RIMS2: variants seen among roughly 807,000 people sequenced by gnomAD.
RIMS2 encodes the protein regulating synaptic membrane exocytosis protein 2.
A neutral mutation model predicts 174.4 loss-of-function variants in RIMS2; 59 were observed. That is an observed-to-expected ratio of 0.34 (90% CI 0.27 to 0.42). The LOEUF (loss-of-function observed/expected upper bound fraction) is 0.42. Ranked by LOEUF, RIMS2 falls within the 10% of genes least tolerant of loss-of-function variation. The probability of loss-of-function intolerance (pLI) is 1.00; values close to 1 mark genes in which losing one functional copy is unlikely to be tolerated. For synonymous variants in RIMS2, 606 were observed against 572.5 expected (o/e 1.06, Z -0.84); for missense variants, 1,620 against 1,666.3 (o/e 0.97, Z 0.48).
intron 14 of RIMS2, among the ~76,000 whole-genome samples, chr8:103,949,526 C>T (rs1398062956): frequency 2.6e-5 from 4 of 152,104 alleles, no homozygotes; most frequent in African/African-American, 9.7e-5. Context: ...AATGAAATAA[C>T]ACTTCTAAAT....
intron 19 of RIMS2, among the ~76,000 whole-genome samples, chr8:104,069,463 CTTTT>C (rs71297250): frequency 2.2e-5 from 2 of 91,960 alleles, no homozygotes; most frequent in East Asian, 3.1e-4. Context: ...ATTAATTGTT[CTTTT>C]TTTTTTTTTT....
rs571170959 is a variant in RIMS2 at position 104,185,955 on chromosome 8, A to G, written c.3335-58961A>G. Among the ~76,000 whole-genome samples, 531 of 151,862 alleles carry G rather than the reference A, an allele frequency of 3.5e-3. 3 individuals are homozygous for G. Among genetic ancestry groups the G allele is most frequent in the African/African-American group, 0.012 (507 of 41,504 alleles). ...ATATGTTTATCATGGCACTATTTAC[A>G]GTAGAAAAGATATAGAATCAACCTA... On this transcript the variant is annotated intron_variant, in intron 19 of 23. Coordinates refer to ENST00000504942, the Ensembl canonical transcript of RIMS2.
At chr8:103,632,893 C>T (rs947085251) in intron 1 of RIMS2, among the ~76,000 whole-genome samples, 13 of 151,306 alleles carry the variant, frequency 8.6e-5, no homozygotes, top group African/African-American at 1.9e-4. Context: ...GCCACCATGC[C>T]GGGCTAATTT....
intron 1 of RIMS2, among the ~76,000 whole-genome samples, chr8:103,590,998 C>T (rs2094226312): frequency 6.6e-6 from 1 of 150,486 alleles, no homozygotes; most frequent in South Asian, 2.1e-4. Context: ...TTTTATACTC[C>T]CACCAAAAAA....
At chr8:103,632,731 ATTTTTTTTTT>A (rs61579273) in intron 1 of RIMS2, among the ~76,000 whole-genome samples, 3 of 70,446 alleles carry the variant, frequency 4.3e-5, no homozygotes, top group African/African-American at 6.1e-5. Flanking sequence ...ATATTTATTG[ATTTTTTTTTT>A]TTTTTTTTTT....
chr8:103,834,621 G>A (rs375698770), intron 3 of RIMS2, among the ~76,000 whole-genome samples: 119 of 151,296 alleles, frequency 7.9e-4, no homozygotes, highest in African/African-American at 2.7e-3. Context: ...TTTCCAGTCT[G>A]TTTTTGCTCG....
In RIMS2 at chr8:104,013,700, C is replaced by A; in HGVS notation, c.3224+79C>A. On this transcript the variant is annotated intron_variant, in intron 18 of 23. Transcript: ENST00000504942. ...TTTATTTTCCCAACAGTTAACTGGTCTCTTCTATCATCTTTGGCTGATCAC... is the reference window on the plus strand; with the variant it reads ...TTTATTTTCCCAACAGTTAACTGGTATCTTCTATCATCTTTGGCTGATCAC... 8.6e-7 allele frequency: 1 copy of A among 1,159,654 alleles called. No individual in the cohort carries two copies. The highest frequency in any genetic ancestry group is 1.3e-6 in the Non-Finnish European group (1 of 782,924). 71.8% of individuals were successfully genotyped at this position (1,159,654 alleles called of 1,614,324 possible).
chr8:103,855,820 C>T (rs1052359771), intron 3 of RIMS2, among the ~76,000 whole-genome samples: 4 of 152,110 alleles, frequency 2.6e-5, no homozygotes, highest in South Asian at 2.1e-4. Context: ...ATGGGAACAG[C>T]GTATATTTTG....
chr8:104,014,560 A>G, exon 19 of RIMS2: 5 of 1,613,302 alleles, frequency 3.1e-6, no homozygotes, highest in Non-Finnish European at 4.2e-6. Context: ...CTCCAGTCGC[A>G]GGACGAAGGG....
chr8:103,916,879 T>C (rs2076716495), intron 8 of RIMS2, among the ~76,000 whole-genome samples: 1 of 151,982 alleles, frequency 6.6e-6, no homozygotes, highest in Admixed American at 6.6e-5. Context: ...AAAATAGAGA[T>C]TTCAACATAG....
chr8:104,002,252 A>G (rs900867414), intron 17 of RIMS2, among the ~76,000 whole-genome samples: 3 of 151,712 alleles, frequency 2.0e-5, no homozygotes, highest in East Asian at 3.9e-4. Context: ...AGAGAATGCT[A>G]CTCTCTTGAT....
intron 1 of RIMS2, among the ~76,000 whole-genome samples, chr8:103,575,479 A>G (rs991969278): frequency 6.6e-6 from 1 of 152,096 alleles, no homozygotes; most frequent in Non-Finnish European, 1.5e-5. Flanking sequence ...AAGAAAAGTA[A>G]AGAATGTTCA....
chr8:103,578,066 A>G (rs1353309168), intron 1 of RIMS2, among the ~76,000 whole-genome samples: 1 of 152,204 alleles, frequency 6.6e-6, no homozygotes, highest in East Asian at 1.9e-4. Context: ...ATTTAAAGAA[A>G]TAATAACAAA....
At chr8:103,620,102 A>C (rs976729475) in intron 1 of RIMS2, among the ~76,000 whole-genome samples, 4 of 152,182 alleles carry the variant, frequency 2.6e-5, no homozygotes, top group African/African-American at 9.6e-5. Context: ...ATAATAAGGT[A>C]ACATTTGTCA....
intron 1 of RIMS2, among the ~76,000 whole-genome samples, chr8:103,623,870 T>C (rs1208930879): frequency 3.3e-5 from 5 of 151,436 alleles, no homozygotes; most frequent in African/African-American, 1.2e-4. Flanking sequence ...GGGAGATCTA[T>C]CACATTAACT....
At chr8:103,569,027 A>G in intron 1 of RIMS2, 1 of 424,438 alleles carries the variant, frequency 2.4e-6, no homozygotes, top group South Asian at 3.5e-5. Flanking sequence ...GCCTTTGCAC[A>G]AAGTTAATTT....
intron 1 of RIMS2, among the ~76,000 whole-genome samples, chr8:103,587,468 G>GAA (rs35539559): frequency 2.1e-5 from 2 of 96,344 alleles, no homozygotes; most frequent in Non-Finnish European, 4.3e-5. Context: ...AAGAAAGAAA[G>GAA]AAACTATGCA....
intron 3 of RIMS2, among the ~76,000 whole-genome samples, chr8:103,822,714 A>G (rs1210755751): frequency 2.0e-5 from 3 of 151,930 alleles, no homozygotes; most frequent in Admixed American, 2.0e-4. Context: ...ATGTGTCTGC[A>G]TCCTGCATAA....
intron 19 of RIMS2, among the ~76,000 whole-genome samples, chr8:104,103,413 A>G (rs2097949742): frequency 6.6e-6 from 1 of 152,192 alleles, no homozygotes; most frequent in African/African-American, 2.4e-5. Context: ...ATGCCAAAAA[A>G]TGTCTCCAGA....
Sources: gnomAD v4.1 joint callset for allele counts (sites outside exome capture counted in the v4.1 genomes callset) on GRCh38, gnomAD v4.1.1 for gene constraint, MANE v1.5 for transcripts, NCBI Gene and HGNC (gene_info 2026-07-23, HGNC 2026-07-21) for gene names.